The following WIPF2 variants were observed in gnomAD, a reference collection of about 807,000 sequenced individuals.
WIPF2 encodes the protein WAS/WASL interacting protein family member 2.
In WIPF2, 23 loss-of-function variants were observed where a neutral mutation model predicts 38.8. The observed-to-expected ratio is 0.59, with a 90% confidence interval of 0.43 to 0.84. WIPF2 has a LOEUF of 0.84. Ranked by LOEUF, WIPF2 falls within the 40% of genes least tolerant of loss-of-function variation. WIPF2 has a pLI of 0.00. For synonymous variants in WIPF2, 210 were observed against 223.2 expected (o/e 0.94, Z 0.53); for missense variants, 574 against 580.5 (o/e 0.99, Z 0.11).
intron 1 of WIPF2, among the ~76,000 whole-genome samples, chr17:40,223,762 A>AT (rs2030355438): frequency 1.3e-5 from 2 of 151,546 alleles, no homozygotes; most frequent in Admixed American, 6.6e-5. Context: ...TAATTTTTGT[A>AT]TTTTTGTAGA....
chr17:40,272,158 T>TA (rs1380211039), intron 5 of WIPF2, among the ~76,000 whole-genome samples: 3 of 152,108 alleles, frequency 2.0e-5, no homozygotes, highest in Non-Finnish European at 4.4e-5. Context: ...TAGCTGGGAT[T>TA]ACAGGCATGC....
At chr17:40,272,271 G>A (rs1325300843) in intron 5 of WIPF2, among the ~76,000 whole-genome samples, 3 of 151,972 alleles carry the variant, frequency 2.0e-5, no homozygotes, top group South Asian at 2.1e-4. Flanking sequence ...CTCCCGCCTC[G>A]GCCTCCCAAA....
intron 6 of WIPF2, among the ~76,000 whole-genome samples, chr17:40,274,556 T>TGAA (rs1555564697): frequency 3.2e-5 from 1 of 31,536 alleles, no homozygotes; most frequent in African/African-American, 1.4e-4. Flanking sequence ...TTGGAATTCT[T>TGAA]GAAAAAAAAA....
In WIPF2 at chr17:40,264,561, G is replaced by T; in HGVS notation, c.385G>T (p.Ala129Ser). 1 of 1,614,042 alleles carries T rather than the reference G, an allele frequency of 6.2e-7. No homozygotes were observed. Among genetic ancestry groups the T allele is most frequent in the Non-Finnish European group, 8.5e-7 (1 of 1,180,032 alleles). The change falls in exon 5 of 8, where the codon GCC becomes TCC. Residue 129 changes from alanine to serine, a missense_variant. Coordinates refer to ENST00000323571, the MANE Select transcript of WIPF2 (RefSeq NM_133264.5). ...TGCTGCCCCAAGGCCTCCAGTATCT[G>T]CCGCCAGCGGGCGTCCTCAGGATGA... The part of the protein sequence containing the change: ...RAAAPRPPVS[A>S]ASGRPQDDTD...
At chr17:40,235,067 C>T (rs552057324) in intron 1 of WIPF2, among the ~76,000 whole-genome samples, 12 of 152,028 alleles carry the variant, frequency 7.9e-5, no homozygotes, top group Non-Finnish European at 5.9e-5. Flanking sequence ...AACAGGCGTC[C>T]GCCACCACGC....
Position 40,272,237 on chromosome 17 carries a change from T to G in WIPF2, c.971-1553T>G, listed in dbSNP as rs1464902769. ...TTTCTCCATGTTGATCAGGCTGGTCTCGAACTCCCGACCTCAGGTGATCCT... is the reference window on the plus strand; with the variant it reads ...TTTCTCCATGTTGATCAGGCTGGTCGCGAACTCCCGACCTCAGGTGATCCT... On this transcript the variant is annotated intron_variant, in intron 5 of 7. Transcript: ENST00000323571. 4.6e-5 allele frequency among the ~76,000 whole-genome samples: 7 copies of G among 152,254 alleles called. No homozygotes were observed. In the South Asian group the frequency reaches 1.5e-3, roughly 32 times the overall value.
chr17:40,247,897 G>A (rs757979827), intron 1 of WIPF2, among the ~76,000 whole-genome samples: 6 of 152,140 alleles, frequency 3.9e-5, no homozygotes, highest in Non-Finnish European at 7.3e-5. Context: ...ATCAGAATGG[G>A]TGAAATTGCT....
intron 1 of WIPF2, among the ~76,000 whole-genome samples, chr17:40,224,170 G>T (rs1251883580): frequency 6.6e-6 from 1 of 150,660 alleles, no homozygotes; most frequent in Non-Finnish European, 1.5e-5. Context: ...AACATATGGA[G>T]GCTCGGTGCT....
intron 1 of WIPF2, among the ~76,000 whole-genome samples, chr17:40,248,140 T>A (rs1167059725): frequency 1.3e-4 from 20 of 150,926 alleles, no homozygotes; most frequent in African/African-American, 2.9e-4. Context: ...TTTTTTTTTT[T>A]AATAAAAATT....
In WIPF2 at chr17:40,265,823, A is replaced by G. The variant is rs1413593948; in HGVS notation, c.970+677A>G. On this transcript the variant is annotated intron_variant, in intron 5 of 7. Coordinates refer to ENST00000323571, the MANE Select transcript of WIPF2 (RefSeq NM_133264.5). ...ATTTGATTCACCTTTTAAAAAGATC[A>G]TTAACTCCTATGTTGAGAACAGACC... 3.3e-5 allele frequency among the ~76,000 whole-genome samples: 5 copies of G among 152,324 alleles called. No individual in the cohort carries two copies. In the East Asian group the frequency reaches 9.6e-4, roughly 29 times the overall value.
intron 4 of WIPF2, among the ~76,000 whole-genome samples, chr17:40,263,546 TCCCCC>T (rs71152659): frequency 1.2e-5 from 1 of 85,914 alleles, no homozygotes; most frequent in African/African-American, 4.6e-5. Context: ...TATTTATTCG[TCCCCC>T]CCCCCCCCGC....
intron 1 of WIPF2, among the ~76,000 whole-genome samples, chr17:40,252,316 T>C (rs1190361045): frequency 3.3e-5 from 5 of 152,152 alleles, no homozygotes. Flanking sequence ...TGAGTCTTTT[T>C]TGGGTCATTC....
intron 1 of WIPF2, among the ~76,000 whole-genome samples, chr17:40,229,256 C>T (rs1214188517): frequency 1.3e-5 from 2 of 150,494 alleles, no homozygotes; most frequent in African/African-American, 4.9e-5. Context: ...GGATTACAGG[C>T]ATGCATCACC....
chr17:40,261,134 G>A (rs548912590), intron 3 of WIPF2, among the ~76,000 whole-genome samples: 75 of 151,672 alleles, frequency 4.9e-4, no homozygotes, highest in African/African-American at 1.7e-3. Flanking sequence ...TCACATTCCT[G>A]GAAACCTCTT....
chr17:40,240,776 C>G (rs71371417), intron 1 of WIPF2, among the ~76,000 whole-genome samples: 5 of 151,724 alleles, frequency 3.3e-5, no homozygotes, highest in Non-Finnish European at 7.4e-5. Flanking sequence ...AACCCCGTCT[C>G]TACTAAAAAT....
chr17:40,258,002 G>A (rs1413356626), intron 2 of WIPF2, among the ~76,000 whole-genome samples: 1 of 152,158 alleles, frequency 6.6e-6, no homozygotes, highest in African/African-American at 2.4e-5. Flanking sequence ...ACTTCTGTTT[G>A]TTTTCATAAC....
Position 40,264,663 on chromosome 17 carries a change from A to G in WIPF2, c.487A>G (p.Asn163Asp). Residue 163 changes from asparagine (N) to aspartate (D), a missense_variant, in exon 5 of 8, where the codon AAT (asparagine) becomes GAT (aspartate). Asn to Asp is a conservative substitution (Grantham distance 23). Transcript: ENST00000323571. The part of the protein sequence containing the change: ...RPSLPDLSRP[N>D]TTSSTGMKHS... Reference sequence around the variant, plus strand: ...CTCTTTACCGGACCTCTCTCGGCCTAATACCACCAGCAGTACGGGCATGAA... The same window carrying G: ...CTCTTTACCGGACCTCTCTCGGCCTGATACCACCAGCAGTACGGGCATGAA... 3 of 1,613,664 alleles carry G rather than the reference A, an allele frequency of 1.9e-6. No individual in the cohort carries two copies. Among genetic ancestry groups the G allele is most frequent in the Non-Finnish European group, 2.5e-6 (3 of 1,179,794 alleles).
intron 1 of WIPF2, among the ~76,000 whole-genome samples, chr17:40,237,386 G>A (rs920660995): frequency 6.6e-6 from 1 of 151,026 alleles, no homozygotes; most frequent in East Asian, 2.0e-4. Context: ...GATTACAGGC[G>A]TGCGCCACAA....
chr17:40,250,077 C>T (rs1486778501), intron 1 of WIPF2, among the ~76,000 whole-genome samples: 1 of 151,652 alleles, frequency 6.6e-6, no homozygotes, highest in African/African-American at 2.4e-5. Context: ...TGTGATCTGC[C>T]CGCCTCAGCC....
Sources: gnomAD v4.1 joint callset for allele counts (sites outside exome capture counted in the v4.1 genomes callset) on GRCh38, gnomAD v4.1.1 for gene constraint, MANE v1.5 for transcripts, NCBI Gene and HGNC (gene_info 2026-07-23, HGNC 2026-07-21) for gene names.